Variants in ANKRD30BL observed in about 807,000 individuals in gnomAD.
ANKRD30BL encodes the protein putative ankyrin repeat domain-containing protein 30B-like.
ANKRD30BL carries 20 observed loss-of-function variants against 18.4 expected under a neutral mutation model. The ratio of observed to expected loss-of-function variants is 1.09; its 90% CI spans 0.77 to 1.58. ANKRD30BL has a LOEUF of 1.58. Among genes scored for constraint, ANKRD30BL ranks in the 40% most tolerant of loss-of-function variants. ANKRD30BL has a pLI of 0.00. For synonymous variants in ANKRD30BL, 72 were observed against 100.9 expected (o/e 0.71, Z 1.72); for missense variants, 224 against 268.6 (o/e 0.83, Z 1.16).
chr2:132,159,900 T>G (rs1406539849), intron 1 of ANKRD30BL, among the ~76,000 whole-genome samples: 1 of 152,188 alleles, frequency 6.6e-6, no homozygotes, highest in Admixed American at 6.5e-5. Flanking sequence ...TTAATCTATA[T>G]TCCATCAGAA....
chr2:132,178,417 GT>G (rs1211338547), intron 1 of ANKRD30BL, among the ~76,000 whole-genome samples: 2 of 152,172 alleles, frequency 1.3e-5, no homozygotes, highest in Admixed American at 6.5e-5. Context: ...GAAATTCCAG[GT>G]GGCCAGATGA....
At chr2:132,249,920 G>A (rs1228796861) in intron 1 of ANKRD30BL, among the ~76,000 whole-genome samples, 1 of 152,116 alleles carries the variant, frequency 6.6e-6, no homozygotes, top group South Asian at 2.1e-4. Context: ...ATTTACCTCT[G>A]TGAGATGAAC....
intron 1 of ANKRD30BL, among the ~76,000 whole-genome samples, chr2:132,231,073 G>C (rs1476139246): frequency 6.6e-6 from 1 of 151,952 alleles, no homozygotes; most frequent in Non-Finnish European, 1.5e-5. Context: ...TATTTTGAAA[G>C]AGCAGGTTTG....
chr2:132,199,538 G>A (rs958990682), intron 1 of ANKRD30BL, among the ~76,000 whole-genome samples: 25 of 149,508 alleles, frequency 1.7e-4, no homozygotes, highest in Non-Finnish European at 2.7e-4. Flanking sequence ...AGACAGTCTC[G>A]CTCTGTGGTC....
chr2:132,151,016 C>T, intron 4 of ANKRD30BL, 40 bp from the exon 5 acceptor site: 1 of 547,356 alleles, frequency 1.8e-6, no homozygotes, highest in Non-Finnish European at 3.2e-6. Context: ...ACTATTTTAA[C>T]ATTGATATAA....
intron 1 of ANKRD30BL, among the ~76,000 whole-genome samples, chr2:132,198,303 TCTTTCTTTCTTTC>T (rs1558928500): frequency 2.2e-4 from 3 of 13,622 alleles, no homozygotes; most frequent in African/African-American, 5.0e-4. Context: ...TTTCTTTCTT[TCTTTCTTTCTTTC>T]TTTCTTTCTT....
At position 132,199,062 on chromosome 2, in the gene ANKRD30BL, T is replaced by C. The variant is rs534301985; in HGVS notation, n.442-41916A>G. 1.1e-4 allele frequency among the ~76,000 whole-genome samples: 16 copies of C among 152,282 alleles called. No homozygotes were observed. The East Asian group carries it at 2.5e-3, about 24-fold the overall frequency. ...GAGCATGGCAAAGGATTAGAAATAA[T>C]AGCTAGCAGCTGGGTGCAGTGGCTC... is the stretch of plus-strand genomic sequence containing the variant. On this transcript the variant is annotated intron_variant and non_coding_transcript_variant, in intron 1 of 4. Coordinates refer to the ANKRD30BL transcript ENST00000470729.
chr2:132,231,379 C>A (rs113510504), intron 1 of ANKRD30BL, among the ~76,000 whole-genome samples: 3 of 152,306 alleles, frequency 2.0e-5, no homozygotes, highest in East Asian at 1.9e-4. Flanking sequence ...CAGCTCCCAG[C>A]GTGAGCGACG....
At chr2:132,173,538 C>T (rs1688316889) in intron 1 of ANKRD30BL, among the ~76,000 whole-genome samples, 1 of 151,966 alleles carries the variant, frequency 6.6e-6, no homozygotes, top group Non-Finnish European at 1.5e-5. Context: ...ACCTCGTGAT[C>T]CACCCGCCTC....
At chr2:132,177,772 A>C (rs1422155788) in intron 1 of ANKRD30BL, among the ~76,000 whole-genome samples, 1 of 152,206 alleles carries the variant, frequency 6.6e-6, no homozygotes, top group Non-Finnish European at 1.5e-5. Context: ...AGAGACAAAA[A>C]GAACAAGTTT....
chr2:132,161,991 A>C (rs562373066), upstream of ANKRD30BL: 37 of 318,422 alleles, frequency 1.2e-4, no homozygotes, highest in Admixed American at 1.6e-3. Context: ...CCTGGGAGAC[A>C]CGCGAGGCAG....
intron 1 of ANKRD30BL, among the ~76,000 whole-genome samples, chr2:132,217,652 G>A (rs971770273): frequency 6.6e-6 from 1 of 152,270 alleles, no homozygotes; most frequent in Non-Finnish European, 1.5e-5. Flanking sequence ...ACTTTGTGAT[G>A]TGTACATTCA....
chr2:132,161,398 C>T, intron 1 of ANKRD30BL, 90 bp downstream of exon 1: 9 of 1,254,616 alleles, frequency 7.2e-6, no homozygotes, highest in Non-Finnish European at 1.0e-5. Flanking sequence ...CTCCCCTCGT[C>T]CCCAGGACCC....
chr2:132,238,868 T>C (rs1255201546), intron 1 of ANKRD30BL, among the ~76,000 whole-genome samples: 1 of 152,108 alleles, frequency 6.6e-6, no homozygotes, highest in Non-Finnish European at 1.5e-5. Context: ...AACATTCCCC[T>C]TCATTGAGCA....
intron 1 of ANKRD30BL, among the ~76,000 whole-genome samples, chr2:132,256,676 C>A (rs1243903747): frequency 1.3e-5 from 2 of 152,236 alleles, no homozygotes; most frequent in Admixed American, 1.3e-4. Flanking sequence ...CCTGCACACA[C>A]TGCTGGCCGA....
At chr2:132,234,291 G>A (rs1680094467) in intron 1 of ANKRD30BL, among the ~76,000 whole-genome samples, 1 of 151,878 alleles carries the variant, frequency 6.6e-6, no homozygotes, top group South Asian at 2.1e-4. Flanking sequence ...AAAAGCAAGA[G>A]CAAACACATT....
chr2:132,216,012 G>A (rs568212204), intron 1 of ANKRD30BL, among the ~76,000 whole-genome samples: 1 of 151,760 alleles, frequency 6.6e-6, no homozygotes, highest in African/African-American at 2.4e-5. Context: ...AACACTTTGA[G>A]GCCTATGGTG....
intron 1 of ANKRD30BL, among the ~76,000 whole-genome samples, chr2:132,200,322 G>C (rs532634083): frequency 6.6e-6 from 1 of 151,522 alleles, no homozygotes; most frequent in Non-Finnish European, 1.5e-5. Context: ...GGAAATAAAG[G>C]GTATTCAATT....
At chr2:132,229,115 T>C (rs138026220) in intron 1 of ANKRD30BL, among the ~76,000 whole-genome samples, 17 of 152,050 alleles carry the variant, frequency 1.1e-4, no homozygotes, top group Non-Finnish European at 2.2e-4. Flanking sequence ...AATATCTTCA[T>C]GTAAAAAGTA....
Sources: allele counts gnomAD v4.1 joint callset (sites outside exome capture counted in the v4.1 genomes callset), GRCh38; gene constraint gnomAD v4.1.1; transcripts MANE v1.5; gene names NCBI Gene and HGNC (gene_info 2026-07-23, HGNC 2026-07-21).